Variants in NIBAN1 observed in about 807,000 individuals in gnomAD.
The protein encoded by NIBAN1 is protein Niban 1.
In NIBAN1, 81 loss-of-function variants were observed where a neutral mutation model predicts 75.1. The ratio of observed to expected loss-of-function variants is 1.08; its 90% confidence interval spans 0.90 to 1.30. The LOEUF (loss-of-function observed/expected upper bound fraction) is 1.30, where lower values mean the gene tolerates loss of function less well. NIBAN1 is among the 50% of genes most tolerant of loss of function. NIBAN1 has a pLI of 0.00. For synonymous variants in NIBAN1, 436 were observed against 424.8 expected (o/e 1.03, Z -0.32); for missense variants, 1,133 against 1,128.1 (o/e 1.00, Z -0.06).
intron 5 of NIBAN1, among the ~76,000 whole-genome samples, chr1:184,863,470 A>G (rs1655870062): frequency 6.6e-6 from 1 of 152,116 alleles, no homozygotes. Flanking sequence ...TTGTTTATGT[A>G]TTTTTGGTTT....
chr1:184,798,129 T>C lies in NIBAN1; in HGVS notation c.1616A>G (p.Asn539Ser). The C allele has an allele frequency of 6.2e-7, 1 of 1,612,054 alleles. No individual in the cohort carries two copies. Among genetic ancestry groups the C allele is most frequent in the Non-Finnish European group, 8.5e-7 (1 of 1,178,532 alleles). Residue 539 changes from asparagine (N) to serine (S), a missense_variant, in exon 13 of 14, where the codon AAT becomes AGT. Physicochemically the swap from Asn to Ser is conservative, Grantham distance 46. Coordinates refer to ENST00000367511, the MANE Select transcript of NIBAN1 (RefSeq NM_052966.4). ...ADHTNMIHVE[N>S]VYEEILHQIL... ...CTGATGTAAAATCTCCTCATAGACA[T>C]TTTCAACGTGAATCATATTGGTATG...
Position 184,942,824 on chromosome 1 carries a change from T to C in NIBAN1, c.55+31478A>G, listed in dbSNP as rs566738888. Among the ~76,000 whole-genome samples, 40 of 152,168 alleles carry C rather than the reference T, an allele frequency of 2.6e-4. 1 individual carries two copies. In the South Asian group the frequency reaches 4.4e-3, roughly 17 times the overall value. On this transcript the variant is annotated intron_variant, in intron 1 of 13. Coordinates refer to ENST00000367511, the MANE Select transcript of NIBAN1 (RefSeq NM_052966.4). ...CAGTCTCACACTCACCTTGTAACTC[T>C]GCACTGACAACGCAGCCAGCCCTAT... is the stretch of plus-strand genomic sequence containing the variant.
chr1:184,942,170 A>G (rs994517846), intron 1 of NIBAN1, among the ~76,000 whole-genome samples: 1 of 152,272 alleles, frequency 6.6e-6, no homozygotes, highest in African/African-American at 2.4e-5. Context: ...TTTCTCAGGG[A>G]GCTGATAGAG....
intron 3 of NIBAN1, among the ~76,000 whole-genome samples, chr1:184,893,187 T>G (rs923399908): frequency 1.2e-4 from 18 of 152,170 alleles, no homozygotes; most frequent in African/African-American, 4.3e-4. Context: ...CTATGCAGAC[T>G]AAAAAATGTG....
chr1:184,934,501 C>T (rs1398470636), intron 1 of NIBAN1, among the ~76,000 whole-genome samples: 1 of 152,202 alleles, frequency 6.6e-6, no homozygotes, highest in Non-Finnish European at 1.5e-5. Flanking sequence ...CAGGGGCTCA[C>T]ACCTGTAATC....
chr1:184,859,922 T>C (rs1229615586), intron 5 of NIBAN1, among the ~76,000 whole-genome samples: 2 of 152,110 alleles, frequency 1.3e-5, no homozygotes, highest in African/African-American at 2.4e-5. Context: ...TGCAAGGCAG[T>C]TAGCCTACAA....
chr1:184,944,979 G>T (rs953532567), intron 1 of NIBAN1, among the ~76,000 whole-genome samples: 14 of 152,020 alleles, frequency 9.2e-5, no homozygotes, highest in African/African-American at 3.1e-4. Context: ...ATTCGAAAAA[G>T]AATTAAATAA....
rs1423829746 is a variant in NIBAN1, at chr1:184,793,920, G to A, written c.*1057C>T. On this transcript the variant is annotated 3_prime_UTR_variant, in exon 14 of 14. Transcript: ENST00000367511. ...TTTGGAACTTGAGAGCATACACCTT[G>A]GCTTTTGTCTTTATTCATTTATTTA... 1 of 151,986 alleles carries A rather than the reference G, an allele frequency of 6.6e-6. No homozygotes were observed. Among genetic ancestry groups the A allele is most frequent in the Non-Finnish European group, 1.5e-5 (1 of 68,020 alleles). 9.4% of individuals were successfully genotyped at this position (151,986 alleles called of 1,614,324 possible).
rs116972909 is a variant in NIBAN1, at chr1:184,974,275, C to G, written c.55+27G>C. ...GCCTGGTGCACGGGTCAGGGTGCTC[C>G]CCAGGCCCCCGGGCGGGCGGGCGTA... is the stretch of plus-strand genomic sequence containing the variant. On this transcript the variant is annotated intron_variant, in intron 1 of 13. Coordinates refer to ENST00000367511, the MANE Select transcript of NIBAN1 (RefSeq NM_052966.4). 4.6e-3 allele frequency: 7,078 copies of G among 1,545,398 alleles called. 135 individuals are homozygous for G. In the East Asian group the frequency reaches 0.053, roughly 12 times the overall value.
chr1:184,898,954 T>C (rs1005446812), intron 2 of NIBAN1, among the ~76,000 whole-genome samples: 3 of 152,196 alleles, frequency 2.0e-5, no homozygotes, highest in Non-Finnish European at 4.4e-5. Context: ...GAAAAATACA[T>C]AACAATATTG....
At chr1:184,971,514 A>G (rs1658935797) in intron 1 of NIBAN1, among the ~76,000 whole-genome samples, 1 of 152,086 alleles carries the variant, frequency 6.6e-6, no homozygotes, top group Admixed American at 6.5e-5. Context: ...TACTAAAAAT[A>G]CAAAAATTAG....
At chr1:184,870,268 T>A (rs1335439984) in intron 5 of NIBAN1, among the ~76,000 whole-genome samples, 2 of 151,566 alleles carry the variant, frequency 1.3e-5, no homozygotes, top group African/African-American at 2.5e-5. Flanking sequence ...AGCTAATCCT[T>A]TATACATGGG....
chr1:184,956,300 TA>T (rs1352694389), intron 1 of NIBAN1, among the ~76,000 whole-genome samples: 1 of 152,186 alleles, frequency 6.6e-6, no homozygotes, highest in Non-Finnish European at 1.5e-5. Flanking sequence ...GGTGCTGGAA[TA>T]TGCCCAGCCA....
chr1:184,928,187 G>T (rs999690597), intron 1 of NIBAN1, among the ~76,000 whole-genome samples: 2 of 152,112 alleles, frequency 1.3e-5, no homozygotes, highest in Admixed American at 1.3e-4. Flanking sequence ...ACTTTGCCTG[G>T]TCCCCTATTC....
At chr1:184,842,265 A>G (rs1655307412) in intron 5 of NIBAN1, among the ~76,000 whole-genome samples, 1 of 152,220 alleles carries the variant, frequency 6.6e-6, no homozygotes, top group Non-Finnish European at 1.5e-5. Context: ...GAGCATCAAC[A>G]TCACCTAGCA....
intron 1 of NIBAN1, among the ~76,000 whole-genome samples, chr1:184,917,368 ATTTTTTTTTTTT>A (rs1168037153): frequency 1.1e-5 from 1 of 89,102 alleles, no homozygotes; most frequent in Non-Finnish European, 2.1e-5. Context: ...CGCCCGGCTA[ATTTTTTTTTTTT>A]TTTTTTTTTT....
intron 1 of NIBAN1, among the ~76,000 whole-genome samples, chr1:184,959,997 T>C (rs1571606382): frequency 6.6e-6 from 1 of 152,360 alleles, no homozygotes. Context: ...TATTGAAATT[T>C]TTGGATTGAC....
chr1:184,928,692 T>C (rs1018087546), intron 1 of NIBAN1, among the ~76,000 whole-genome samples: 1 of 152,152 alleles, frequency 6.6e-6, no homozygotes, highest in Non-Finnish European at 1.5e-5. Context: ...ATGCGACCAC[T>C]GCCAGGGAAT....
chr1:184,858,302 A>C (rs139489324), intron 5 of NIBAN1, among the ~76,000 whole-genome samples: 1,557 of 152,276 alleles, frequency 0.01, 25 homozygotes, highest in African/African-American at 0.034. Context: ...TAATATCTAA[A>C]TGTTCAGAGT....
Sources: allele counts gnomAD v4.1 joint callset (sites outside exome capture counted in the v4.1 genomes callset), GRCh38; gene constraint gnomAD v4.1.1; transcripts MANE v1.5; gene names NCBI Gene and HGNC (gene_info 2026-07-23, HGNC 2026-07-21).